The following FASTKD2 variants were observed in gnomAD, a reference collection of about 807,000 sequenced individuals.
FASTKD2 encodes the protein FAST kinase domain-containing protein 2, mitochondrial.
Under a neutral mutation model 63.6 loss-of-function variants are expected in FASTKD2, and 51 were observed. That is an observed-to-expected ratio of 0.80 (90% CI 0.64 to 1.01). The LOEUF is 1.01. Ranked by LOEUF, FASTKD2 falls within the 50% of genes least tolerant of loss-of-function variation. The pLI is 0.00. For synonymous variants in FASTKD2, 284 were observed against 293.4 expected, an observed-to-expected ratio of 0.97 and a Z score of 0.33; for missense variants, 786 against 831.1, an observed-to-expected ratio of 0.95 and a Z score of 0.67.
intron 7 of FASTKD2, among the ~76,000 whole-genome samples, chr2:206,779,058 T>C (rs1449958140): frequency 6.6e-6 from 1 of 152,214 alleles, no homozygotes; most frequent in East Asian, 1.9e-4. Context: ...TCTCCTACTG[T>C]TATTGTATCA....
At chr2:206,771,464 T>G (rs562868703) in intron 4 of FASTKD2, among the ~76,000 whole-genome samples, 174 bp downstream of exon 4, 1 of 152,030 alleles carries the variant, frequency 6.6e-6, no homozygotes, top group East Asian at 1.9e-4. Context: ...TATATATACA[T>G]GTATATTTAT....
At chr2:206,787,513 C>G (rs1348456558) in intron 8 of FASTKD2, among the ~76,000 whole-genome samples, 1 of 151,964 alleles carries the variant, frequency 6.6e-6, no homozygotes, top group Admixed American at 6.5e-5. Flanking sequence ...TTATAAAATC[C>G]CAAAGTTGAG....
intron 1 of FASTKD2, 34 bp from the exon 2 acceptor site, chr2:206,766,610 A>AT: frequency 8.2e-7 from 1 of 1,222,638 alleles, no homozygotes; most frequent in South Asian, 1.2e-5. Flanking sequence ...TTTTGTTTTA[A>AT]TTTTTATTCT....
intron 2 of FASTKD2, among the ~76,000 whole-genome samples, 189 bp downstream of exon 2, chr2:206,767,659 A>G (rs1057290557): frequency 3.3e-5 from 5 of 152,098 alleles, no homozygotes; most frequent in Admixed American, 6.5e-5. Flanking sequence ...TCCTTTTGCT[A>G]TGGAAATTTA....
chr2:206,770,646 C>T (rs544055004), intron 3 of FASTKD2, among the ~76,000 whole-genome samples: 15 of 149,578 alleles, frequency 1.0e-4, no homozygotes, highest in Admixed American at 3.3e-4. Flanking sequence ...AGGAGAATGG[C>T]GTGAACCCAG....
chr2:206,780,137 G>T (rs770519424), intron 7 of FASTKD2, among the ~76,000 whole-genome samples: 8 of 151,938 alleles, frequency 5.3e-5, no homozygotes, highest in Non-Finnish European at 1.0e-4. Flanking sequence ...ATTTATACTA[G>T]AACTAAAGCA....
At chr2:206,773,316 CAAAA>C (rs869141094) in intron 6 of FASTKD2, among the ~76,000 whole-genome samples, 1,762 of 68,120 alleles carry the variant, frequency 0.026, 33 homozygotes, top group African/African-American at 0.081. Context: ...AACTCTGTCT[CAAAA>C]AAAAAAAAAA....
chr2:206,777,236 G>A (rs970938223), intron 7 of FASTKD2, among the ~76,000 whole-genome samples: 2 of 152,024 alleles, frequency 1.3e-5, no homozygotes, highest in African/African-American at 2.4e-5. Context: ...ATGAGAGTAG[G>A]CATCCTTGTC....
rs181699656 is a variant in FASTKD2 at position 206,784,013 on chromosome 2, T to C, written c.1428-2720T>C. Among the ~76,000 whole-genome samples, 13 of 152,328 alleles carry C rather than the reference T, an allele frequency of 8.5e-5. No homozygotes were observed. The East Asian group carries it at 2.5e-3, about 29-fold the overall frequency. ...ATCCAGCCCCGGATGTTAGTAGTGC[T>C]GAGATTGAGAAACCCTTACCTAATT... On this transcript the variant is annotated intron_variant, in intron 7 of 11. Transcript: ENST00000402774.
chr2:206,780,963 A>G (rs564954040), intron 7 of FASTKD2, among the ~76,000 whole-genome samples: 45 of 152,248 alleles, frequency 3.0e-4, no homozygotes, highest in Middle Eastern at 3.4e-3. Context: ...AGTTCTTTCT[A>G]TAGTTTATCA....
At chr2:206,769,982 T>G in intron 2 of FASTKD2, 109 bp from the exon 3 acceptor site, 2 of 749,364 alleles carry the variant, frequency 2.7e-6, no homozygotes, top group South Asian at 2.9e-5. Flanking sequence ...AATTGTTGGT[T>G]TGATACTCAA....
intron 1 of FASTKD2, among the ~76,000 whole-genome samples, chr2:206,765,997 G>A (rs1205529642): frequency 2.0e-5 from 3 of 151,976 alleles, no homozygotes; most frequent in Non-Finnish European, 2.9e-5. Flanking sequence ...TCTATCAGCC[G>A]GGCGCGGTGA....
rs1690303173 is a variant in FASTKD2 at position 206,792,171 on chromosome 2, C to T, written c.*369C>T. 1 of 296,900 alleles carries T rather than the reference C, an allele frequency of 3.4e-6. No individual in the cohort carries two copies. Among genetic ancestry groups the T allele is most frequent in the Non-Finnish European group, 6.4e-6 (1 of 155,144 alleles). 18.4% of individuals were successfully genotyped at this position (296,900 alleles called of 1,614,324 possible). On this transcript the variant is annotated 3_prime_UTR_variant, in exon 12 of 12. Transcript: ENST00000402774. ...TCTTTGGAATCTGAATATTTATACT[C>T]CTGCTCTAAGCTGTTCTAAGACTTG... is the stretch of plus-strand genomic sequence containing the variant.
chr2:206,772,158 G>C, intron 5 of FASTKD2, 23 bp from the exon 6 acceptor site: 2 of 1,608,348 alleles, frequency 1.2e-6, no homozygotes, highest in African/African-American at 1.3e-5. Flanking sequence ...ATTTTTGTTT[G>C]TTTATTTAAC....
At chr2:206,773,767 T>C (rs1173198778) in intron 6 of FASTKD2, among the ~76,000 whole-genome samples, 3 of 152,162 alleles carry the variant, frequency 2.0e-5, no homozygotes, top group Admixed American at 1.3e-4. Context: ...TTTTCACTTA[T>C]AGGTATGAAT....
At chr2:206,790,709 A>G (rs1275795568) in intron 11 of FASTKD2, 23 bp downstream of exon 11, 2 of 1,302,756 alleles carry the variant, frequency 1.5e-6, no homozygotes, top group South Asian at 1.2e-5. Flanking sequence ...TGCAAATGAA[A>G]TATTCTTTAA....
At chr2:206,780,366 G>A (rs953474375) in intron 7 of FASTKD2, among the ~76,000 whole-genome samples, 2 of 152,158 alleles carry the variant, frequency 1.3e-5, no homozygotes, top group Non-Finnish European at 2.9e-5. Flanking sequence ...GTTTTGCCAA[G>A]TATAGGATTA....
rs114726254 is a variant in FASTKD2 at position 206,793,004 on chromosome 2, A to T, written c.*1202A>T. On this transcript the variant is annotated 3_prime_UTR_variant, in exon 12 of 12. Transcript: ENST00000402774. ...CTTGGGAGGCCGAGGTGGGCTGATC[A>T]TGAGGTCAGGAGGTCAAGACAATCC... 4.1e-3 allele frequency among the ~76,000 whole-genome samples: 617 copies of T among 152,190 alleles called. 4 individuals carry two copies. The highest frequency in any genetic ancestry group is 0.014 in the African/African-American group (590 of 41,538).
At chr2:206,785,349 G>A (rs1690112631) in intron 7 of FASTKD2, among the ~76,000 whole-genome samples, 1 of 152,184 alleles carries the variant, frequency 6.6e-6, no homozygotes, top group Non-Finnish European at 1.5e-5. Context: ...CTGGTGAAGA[G>A]GAGGGTCAGG....
Sources: allele counts gnomAD v4.1 joint callset (sites outside exome capture counted in the v4.1 genomes callset), GRCh38; gene constraint gnomAD v4.1.1; transcripts MANE v1.5; gene names NCBI Gene and HGNC (gene_info 2026-07-23, HGNC 2026-07-21).